Variants in DOCK1 observed in about 807,000 individuals in gnomAD.
DOCK1 encodes dedicator of cytokinesis 1.
DOCK1 carries 138 observed loss-of-function variants against 262.7 expected under a neutral mutation model. The observed-to-expected ratio is 0.53, with a 90% CI of 0.46 to 0.61. The LOEUF (loss-of-function observed/expected upper bound fraction) is 0.61, where lower values mean the gene tolerates loss of function less well. DOCK1 is among the 20% of genes least tolerant of loss of function. The probability of loss-of-function intolerance (pLI) is 0.00; values close to 1 mark genes in which losing one functional copy is unlikely to be tolerated. For missense variants in DOCK1, 1,908 were observed against 2,370.7 expected (o/e 0.80, Z 4.05); for synonymous variants, 866 against 867.4 (o/e 1.00, Z 0.03).
chr10:126,949,068 T>G (rs2035923483), intron 1 of DOCK1, among the ~76,000 whole-genome samples: 1 of 152,130 alleles, frequency 6.6e-6, no homozygotes, highest in Non-Finnish European at 1.5e-5. Flanking sequence ...GGCCTCCCCT[T>G]TCTGGGAGTG....
At chr10:127,169,064 C>T (rs920711327) in intron 27 of DOCK1, among the ~76,000 whole-genome samples, 3 of 152,296 alleles carry the variant, frequency 2.0e-5, no homozygotes, top group Non-Finnish European at 2.9e-5. Flanking sequence ...TCTAGGTTAA[C>T]GCAAGTCACA....
intron 31 of DOCK1, among the ~76,000 whole-genome samples, chr10:127,353,849 G>A (rs1318840145): frequency 6.6e-6 from 1 of 152,196 alleles, no homozygotes; most frequent in African/African-American, 2.4e-5. Flanking sequence ...TTACCGGCCA[G>A]GATCTTCGCC....
intron 51 of DOCK1, among the ~76,000 whole-genome samples, chr10:127,451,107 C>T (rs4750887): frequency 1.9e-4 from 29 of 152,178 alleles, no homozygotes; most frequent in African/African-American, 3.6e-4. Context: ...GCTGTGCAGA[C>T]GGTGGGAGAG....
chr10:126,905,705 C>A, intron 1 of DOCK1, 142 bp downstream of exon 1: 1 of 148,814 alleles, frequency 6.7e-6, no homozygotes, highest in South Asian at 1.9e-4. Context: ...GCCGCCGCCC[C>A]GCTCGCAATG....
chr10:127,033,017 C>G (rs9418717), intron 18 of DOCK1, among the ~76,000 whole-genome samples: 118,065 of 152,152 alleles, frequency 0.78, 46,587 homozygotes, highest in South Asian at 0.87. Context: ...GGATGCCCTT[C>G]AACAAGTCTT....
At chr10:127,072,446 G>A (rs976752326) in intron 23 of DOCK1, among the ~76,000 whole-genome samples, 5 of 152,166 alleles carry the variant, frequency 3.3e-5, no homozygotes, top group African/African-American at 1.2e-4. Context: ...GCAAATCACA[G>A]ACATAAAATT....
At chr10:127,335,616 C>T (rs1323579252) in intron 29 of DOCK1, among the ~76,000 whole-genome samples, 6 of 151,502 alleles carry the variant, frequency 4.0e-5, no homozygotes, top group Non-Finnish European at 7.4e-5. Flanking sequence ...GGTGCAGTCT[C>T]GGCTCACTGC....
At chr10:127,240,288 A>T (rs1467367600) in intron 27 of DOCK1, among the ~76,000 whole-genome samples, 1 of 149,358 alleles carries the variant, frequency 6.7e-6, no homozygotes, top group African/African-American at 2.5e-5. Flanking sequence ...TTTTTTTAAC[A>T]AACATTCCTC....
intron 27 of DOCK1, among the ~76,000 whole-genome samples, chr10:127,177,318 G>A (rs1174320910): frequency 6.6e-6 from 1 of 152,218 alleles, no homozygotes; most frequent in African/African-American, 2.4e-5. Flanking sequence ...ATTAAATGCA[G>A]CTAAAAAGAT....
intron 49 of DOCK1, among the ~76,000 whole-genome samples, chr10:127,440,478 T>C (rs2070033946): frequency 6.6e-6 from 1 of 152,200 alleles, no homozygotes; most frequent in South Asian, 2.1e-4. Flanking sequence ...TCTCATGGGC[T>C]GTCAGCATCA....
chr10:127,035,459 G>A (rs1429029079), intron 18 of DOCK1, among the ~76,000 whole-genome samples: 1 of 152,140 alleles, frequency 6.6e-6, no homozygotes, highest in African/African-American at 2.4e-5. Flanking sequence ...CAGCCTCATG[G>A]GGGCTGGACA....
intron 29 of DOCK1, among the ~76,000 whole-genome samples, chr10:127,286,387 CAT>C (rs377488752): frequency 5.3e-5 from 8 of 152,274 alleles, no homozygotes; most frequent in African/African-American, 1.9e-4. Context: ...TTGAAGGTAA[CAT>C]ATCTTTTTCT....
intron 23 of DOCK1, among the ~76,000 whole-genome samples, chr10:127,063,260 T>C (rs1179926936): frequency 6.6e-6 from 1 of 152,220 alleles, no homozygotes; most frequent in East Asian, 1.9e-4. Flanking sequence ...GGCTAGTGTC[T>C]TAAAAATATT....
chr10:127,159,560 TC>T (rs1236803162), intron 27 of DOCK1, among the ~76,000 whole-genome samples: 1 of 152,180 alleles, frequency 6.6e-6, no homozygotes, highest in Admixed American at 6.5e-5. Context: ...TAGTGACAAT[TC>T]GGGGCATGCA....
rs976255073 is a variant in DOCK1 at position 127,015,124 on chromosome 10, C to T, written c.1201+2750C>T. 3.9e-5 allele frequency: 6 copies of T among 151,942 alleles called. No individual in the cohort carries two copies. In the East Asian group the frequency reaches 7.8e-4, roughly 20 times the overall value. The allele number at this position is 151,942 out of a possible 1,614,324, so 9.4% of individuals were successfully genotyped here. ...GACCGCTTTCTATTGGTGGTTCTTC[C>T]TTCTTCAAACTCTCCCTCCCATGAT... On this transcript the variant is annotated intron_variant, in intron 12 of 51. Coordinates refer to ENST00000623213, the MANE Select transcript of DOCK1 (RefSeq NM_001290223.2).
At position 127,176,276 on chromosome 10, in the gene DOCK1, T is replaced by C. The variant is rs751970879; in HGVS notation, c.2847+48512T>C. 3.1e-6 allele frequency: 5 copies of C among 1,614,056 alleles called. No homozygotes were observed. In the South Asian group the frequency reaches 5.5e-5, roughly 18 times the overall value. On this transcript the variant is annotated intron_variant, in intron 27 of 51. Transcript: ENST00000623213. This position sits in a 1 kb window ranked among gnomAD's most constrained non-coding sequence, Gnocchi z 4.4. ...ACCGCACCTGCAGGGCTTTGTTCCG[T>C]TTTTTAATCTGCCGGTTGGGGTCCA...
intron 49 of DOCK1, among the ~76,000 whole-genome samples, chr10:127,439,659 G>A (rs540918982): frequency 2.0e-3 from 311 of 152,252 alleles, no homozygotes; most frequent in Non-Finnish European, 3.6e-3. Context: ...TAAAATCAGC[G>A]GAACTAGAAT....
At chr10:127,223,228 G>A (rs1301887797) in intron 27 of DOCK1, among the ~76,000 whole-genome samples, 3 of 152,038 alleles carry the variant, frequency 2.0e-5, no homozygotes, top group African/African-American at 4.8e-5. Flanking sequence ...CAACTTTCAA[G>A]GTTTTTTTCT....
intron 23 of DOCK1, among the ~76,000 whole-genome samples, chr10:127,079,826 G>A (rs1268384580): frequency 1.3e-5 from 2 of 152,268 alleles, no homozygotes; most frequent in African/African-American, 4.8e-5. Context: ...AGCTACTCGG[G>A]AGGCTGAGGC....
Sources: allele counts gnomAD v4.1 joint callset (sites outside exome capture counted in the v4.1 genomes callset), GRCh38; gene constraint gnomAD v4.1.1; non-coding constraint Gnocchi (gnomAD v3.1); transcripts MANE v1.5; gene names NCBI Gene and HGNC (gene_info 2026-07-23, HGNC 2026-07-21).